Variants in NBPF9 observed in about 807,000 individuals in gnomAD.
NBPF9 encodes the protein NBPF member 9, also known as NBPF family member NBPF9.
A neutral mutation model predicts 97.8 loss-of-function variants in NBPF9; 91 were observed. That is an observed-to-expected ratio of 0.93 (90% confidence interval 0.79 to 1.11). NBPF9 has a LOEUF of 1.11. Ranked by LOEUF, NBPF9 falls within the 50% of genes least tolerant of loss-of-function variation. The pLI is 0.00. For missense variants in NBPF9, 992 were observed against 939.5 expected (o/e 1.06, Z -0.73); for synonymous variants, 334 against 359.5 (o/e 0.93, Z 0.80).
chr1:149,057,754 G>A (rs1231907011), intron 27 of NBPF9, among the ~76,000 whole-genome samples: 2 of 73,474 alleles, frequency 2.7e-5, no homozygotes, highest in Non-Finnish European at 5.8e-5. Flanking sequence ...CACACACACA[G>A]AGAGAGAGAG....
chr1:149,059,374 G>C, intron 25 of NBPF9: 1 of 442,018 alleles, frequency 2.3e-6, no homozygotes. Flanking sequence ...AGGACACTCT[G>C]AGTTCGTGCC....
At chr1:149,060,379 A>C in intron 24 of NBPF9, 144 bp downstream of exon 24, 1 of 444,574 alleles carries the variant, frequency 2.2e-6, no homozygotes, top group Non-Finnish European at 4.1e-6. Flanking sequence ...GTAGAACTAG[A>C]GTTTCATTCA....
At position 149,077,817 on chromosome 1, in the gene NBPF9, G is replaced by A. The variant is rs1367226552; in HGVS notation, c.566+66C>T. The A allele has an allele frequency of 1.4e-5, 23 of 1,590,516 alleles. 1 individual carries two copies. Among genetic ancestry groups the A allele is most frequent in the Non-Finnish European group, 1.8e-5 (21 of 1,160,398 alleles). On this transcript the variant is annotated intron_variant, in intron 10 of 29. Transcript: ENST00000584027. ...TTTGGCCCACCATAGATGCCAGAGA[G>A]GGTGTGCCTCCTAGACATCTTCATA...
chr1:149,100,779 T>A (rs2082095101), intron 3 of NBPF9, among the ~76,000 whole-genome samples: 1 of 151,784 alleles, frequency 6.6e-6, no homozygotes, highest in Non-Finnish European at 1.5e-5. Context: ...ACAAAAAGTA[T>A]GAAAATTAAG....
chr1:149,056,005 G>C (rs1318212554), intron 29 of NBPF9, 106 bp from the exon 30 acceptor site: 8 of 1,604,424 alleles, frequency 5.0e-6, no homozygotes, highest in Middle Eastern at 4.6e-4. Flanking sequence ...AAAGAAAAAG[G>C]ATAGATCCAT....
At chr1:149,076,505 ATT>A (rs587753430) in intron 11 of NBPF9, among the ~76,000 whole-genome samples, 6 of 122,878 alleles carry the variant, frequency 4.9e-5, no homozygotes, top group African/African-American at 2.9e-5. Context: ...CAGAGACTTT[ATT>A]TTTTTTTTTT....
chr1:149,071,289 T>C, intron 15 of NBPF9, 150 bp from the exon 16 acceptor site: 4 of 1,387,012 alleles, frequency 2.9e-6, no homozygotes, highest in East Asian at 4.6e-5. Flanking sequence ...CAGGTAATCC[T>C]CTTCTCTCTG....
chr1:149,076,223 A>C (rs1433791143), intron 11 of NBPF9, among the ~76,000 whole-genome samples: 2 of 151,202 alleles, frequency 1.3e-5, no homozygotes, highest in African/African-American at 4.8e-5. Context: ...TTTGAGACAG[A>C]GTCTCACTCT....
chr1:149,084,145 C>T (rs1341694742), intron 5 of NBPF9, among the ~76,000 whole-genome samples: 1 of 149,546 alleles, frequency 6.7e-6, no homozygotes, highest in African/African-American at 2.5e-5. Flanking sequence ...CACACCAGGG[C>T]CTGTCATGGG....
At chr1:149,068,461 G>T (rs1575833525) in intron 17 of NBPF9, among the ~76,000 whole-genome samples, 4 of 146,488 alleles carry the variant, frequency 2.7e-5, no homozygotes, top group East Asian at 2.5e-4. Context: ...AACAAAAAAA[G>T]GCAGGGGTTG....
chr1:149,082,857 G>A (rs1324371222), intron 5 of NBPF9, among the ~76,000 whole-genome samples: 1 of 146,124 alleles, frequency 6.8e-6, no homozygotes, highest in Non-Finnish European at 1.5e-5. Context: ...TAGGCTCACT[G>A]CAAGCTCTGC....
intron 9 of NBPF9, 108 bp downstream of exon 9, chr1:149,078,899 G>C: frequency 2.5e-6 from 4 of 1,589,006 alleles, no homozygotes; most frequent in Non-Finnish European, 3.5e-6. Context: ...CCACATATGT[G>C]TAGCAGAAAA....
At chr1:149,055,693 T>C (rs1553648641) in exon 30 of NBPF9, 1 of 1,611,770 alleles carries the variant, frequency 6.2e-7, no homozygotes, top group Admixed American at 1.7e-5. Context: ...GAACACCAGG[T>C]GGAGACTTGT....
rs1273010254 is a variant in NBPF9, at chr1:149,094,885, A to C, written c.-337+3553T>G. ...GGACAGCAAGTGGGAGGAGCACTTA[A>C]ATGATATTGACAGATTACTAGAAGC... is the stretch of plus-strand genomic sequence containing the variant. On this transcript the variant is annotated intron_variant, in intron 4 of 29. Transcript: ENST00000584027. Among the ~76,000 whole-genome samples the C allele has an allele frequency of 8.9e-5, 13 of 145,562 alleles. 1 individual carries two copies. Among genetic ancestry groups the C allele is most frequent in the Non-Finnish European group, 1.8e-4 (12 of 67,840 alleles).
chr1:149,099,433 A>G (rs1449079657), intron 3 of NBPF9, among the ~76,000 whole-genome samples: 1 of 152,244 alleles, frequency 6.6e-6, no homozygotes, highest in Non-Finnish European at 1.5e-5. Flanking sequence ...ATTGTTGAAT[A>G]TGGTATATTA....
At chr1:149,081,278 C>T (rs587626841) in intron 7 of NBPF9, among the ~76,000 whole-genome samples, 22 of 152,162 alleles carry the variant, frequency 1.4e-4, no homozygotes, top group Non-Finnish European at 2.8e-4. Context: ...CTCCACGACG[C>T]CCATCTACTT....
chr1:149,089,120 T>C (rs1464669815), intron 5 of NBPF9, among the ~76,000 whole-genome samples: 1 of 152,056 alleles, frequency 6.6e-6, no homozygotes, highest in African/African-American at 2.4e-5. Context: ...AGAACCCTGT[T>C]GTTCTGACAG....
rs61810899 is a variant in NBPF9, at chr1:149,077,037, G to A, written c.778+171C>T. Among the ~76,000 whole-genome samples, 90 of 150,462 alleles carry A rather than the reference G, an allele frequency of 6.0e-4. 1 individual carries two copies. The highest frequency in any genetic ancestry group is 1.9e-4 in the East Asian group (1 of 5,174). On this transcript the variant is annotated intron_variant, in intron 11 of 29. Coordinates refer to ENST00000584027, the Ensembl canonical transcript of NBPF9. ...CTTCAACTCCTGAACTCAAGTCATC[G>A]TCCCACTTGGGCCTTCCAAAGTGCT...
At position 149,059,172 on chromosome 1, in the gene NBPF9, C is replaced by A. The variant is rs1302909686; in HGVS notation, c.2586-75G>T. 10 of 419,262 alleles carry A rather than the reference C, an allele frequency of 2.4e-5. 1 individual carries two copies. The highest frequency in any genetic ancestry group is 3.9e-5 in the Non-Finnish European group (9 of 228,570). The allele number at this position is 419,262 out of a possible 1,614,324, so 26.0% of individuals were successfully genotyped here. A position where few individuals can be genotyped will look rare whatever the true frequency, so the allele number is the denominator to read the frequency against. On this transcript the variant is annotated intron_variant, in intron 25 of 29. Transcript: ENST00000584027. ...ACACAGCCCCAGCTAGATTTCATGG[C>A]TAACATAAGGAACTGTTTAAAAAGA... is the stretch of plus-strand genomic sequence containing the variant.
Sources: allele counts gnomAD v4.1 joint callset (sites outside exome capture counted in the v4.1 genomes callset), GRCh38; gene constraint gnomAD v4.1.1; transcripts MANE v1.5; gene names NCBI Gene and HGNC (gene_info 2026-07-23, HGNC 2026-07-21).